The following GRM1 variants were observed in gnomAD, a reference collection of about 807,000 sequenced individuals.
GRM1 encodes metabotropic glutamate receptor 1.
Under a neutral mutation model 90.9 loss-of-function variants are expected in GRM1, and 33 were observed. The ratio of observed to expected loss-of-function variants is 0.36; its 90% CI spans 0.28 to 0.49. The LOEUF is 0.49. GRM1 is among the 20% of genes least tolerant of loss of function. The pLI is 0.99. For synonymous variants in GRM1, 700 were observed against 613.2 expected (o/e 1.14, Z -2.09); for missense variants, 1,190 against 1,534.3 (o/e 0.78, Z 3.75).
chr6:146,114,339 A>G, intron 1 of GRM1, among the ~76,000 whole-genome samples: 1 of 152,206 alleles, frequency 6.6e-6, no homozygotes. Context: ...TTGCTTTTCT[A>G]ATAATTGGAA....
intron 2 of GRM1, among the ~76,000 whole-genome samples, chr6:146,301,722 T>A (rs1783389873): frequency 1.3e-5 from 2 of 152,204 alleles, no homozygotes; most frequent in African/African-American, 4.8e-5. Flanking sequence ...CTCCTTTGTG[T>A]CATGAACTAT....
intron 2 of GRM1, among the ~76,000 whole-genome samples, chr6:146,231,600 C>G (rs906668649): frequency 6.6e-6 from 1 of 152,066 alleles, no homozygotes; most frequent in African/African-American, 2.4e-5. Context: ...ATGTCATATA[C>G]TATATCAGGT....
intron 5 of GRM1, among the ~76,000 whole-genome samples, chr6:146,375,605 G>A (rs866810900): frequency 2.6e-4 from 39 of 151,992 alleles, no homozygotes; most frequent in Middle Eastern, 3.4e-3. Context: ...GTATAAAATT[G>A]TTATATTCTC....
At chr6:146,303,909 G>GA (rs1328308592) in intron 2 of GRM1, among the ~76,000 whole-genome samples, 1 of 152,172 alleles carries the variant, frequency 6.6e-6, no homozygotes, top group Non-Finnish European at 1.5e-5. Context: ...TGGTAGATAG[G>GA]AATGTTCTAG....
At chr6:146,117,245 TCTC>T (rs1203423394) in intron 1 of GRM1, among the ~76,000 whole-genome samples, 2 of 151,598 alleles carry the variant, frequency 1.3e-5, no homozygotes, top group African/African-American at 4.8e-5. Flanking sequence ...TTTATTGTAT[TCTC>T]TGCTATATTA....
chr6:146,324,583 G>A, intron 3 of GRM1, among the ~76,000 whole-genome samples: 1 of 152,168 alleles, frequency 6.6e-6, no homozygotes, highest in East Asian at 1.9e-4. Flanking sequence ...CCTCATCTGT[G>A]GGTTGCAAAG....
intron 7 of GRM1, among the ~76,000 whole-genome samples, chr6:146,414,593 G>A (rs988164419): frequency 2.6e-5 from 4 of 151,964 alleles, no homozygotes; most frequent in Non-Finnish European, 5.9e-5. Flanking sequence ...TAGTAGAGAC[G>A]GGGTTTCACC....
At chr6:146,254,785 C>T (rs995241131) in intron 2 of GRM1, among the ~76,000 whole-genome samples, 2 of 152,100 alleles carry the variant, frequency 1.3e-5, no homozygotes, top group East Asian at 1.9e-4. Context: ...GTACATTGTA[C>T]CAAATATTAG....
intron 1 of GRM1, among the ~76,000 whole-genome samples, chr6:146,129,370 A>G (rs1776307049): frequency 6.6e-6 from 1 of 152,158 alleles, no homozygotes; most frequent in Non-Finnish European, 1.5e-5. Context: ...GTTTCATTAA[A>G]CAAGACAAAG....
intron 2 of GRM1, among the ~76,000 whole-genome samples, chr6:146,163,714 T>A (rs1280608712): frequency 6.6e-6 from 1 of 152,218 alleles, no homozygotes; most frequent in African/African-American, 2.4e-5. Flanking sequence ...ACTTGCTCTC[T>A]CTTTCAGAGA....
At chr6:146,180,610 A>G (rs1224192463) in intron 2 of GRM1, among the ~76,000 whole-genome samples, 2 of 152,112 alleles carry the variant, frequency 1.3e-5, no homozygotes, top group Admixed American at 6.5e-5. Context: ...TCTCTTTGTC[A>G]TATAGGTTTT....
At chr6:146,280,528 A>G (rs1782529321) in intron 2 of GRM1, among the ~76,000 whole-genome samples, 1 of 152,166 alleles carries the variant, frequency 6.6e-6, no homozygotes, top group Non-Finnish European at 1.5e-5. Context: ...CTATGGGCCC[A>G]GAATTGTATA....
chr6:146,270,912 T>TCTTTCTTTCTTCCTTCCTTC (rs1782121052), intron 2 of GRM1, among the ~76,000 whole-genome samples: 3 of 86,864 alleles, frequency 3.5e-5, no homozygotes, highest in South Asian at 3.7e-4. Flanking sequence ...TTTCTTTCTT[T>TCTTTCTTTCTTCCTTCCTTC]CTTCCTTCCT....
chr6:146,090,237 C>T (rs572980087), intron 1 of GRM1, among the ~76,000 whole-genome samples: 25 of 152,164 alleles, frequency 1.6e-4, no homozygotes, highest in Admixed American at 1.1e-3. Context: ...CTCTTAAAAC[C>T]TTGCCAGCAG....
intron 1 of GRM1, among the ~76,000 whole-genome samples, chr6:146,139,406 A>G (rs1776750172): frequency 1.3e-5 from 2 of 152,184 alleles, no homozygotes; most frequent in Admixed American, 1.3e-4. Context: ...TGCTGAAAGT[A>G]CAGGGTTGAA....
chr6:146,114,366 T>C (rs1196857339), intron 1 of GRM1, among the ~76,000 whole-genome samples: 2 of 152,178 alleles, frequency 1.3e-5, no homozygotes, highest in South Asian at 2.1e-4. Flanking sequence ...CTGGGATTTG[T>C]TCTAAAATTA....
chr6:146,071,645 A>G (rs1776020476), intron 1 of GRM1, among the ~76,000 whole-genome samples: 1 of 144,552 alleles, frequency 6.9e-6, no homozygotes, highest in Non-Finnish European at 1.5e-5. Context: ...AGCCTGCAGG[A>G]AACTTAATAG....
intron 1 of GRM1, among the ~76,000 whole-genome samples, chr6:146,062,192 G>C (rs749806544): frequency 6.6e-6 from 1 of 151,982 alleles, no homozygotes; most frequent in African/African-American, 2.4e-5. Context: ...TGTCCTTTGC[G>C]GGGACTTGGA....
At chr6:146,161,806 C>CA (rs1482281383) in intron 2 of GRM1, among the ~76,000 whole-genome samples, 7 of 152,174 alleles carry the variant, frequency 4.6e-5, no homozygotes, top group Admixed American at 3.3e-4. Flanking sequence ...TTAATGAAAG[C>CA]AGCCTTTAAA....
Sources: allele counts gnomAD v4.1 joint callset (sites outside exome capture counted in the v4.1 genomes callset), GRCh38; gene constraint gnomAD v4.1.1; transcripts MANE v1.5; gene names NCBI Gene and HGNC (gene_info 2026-07-23, HGNC 2026-07-21).